The following LGSN variants were observed in gnomAD, a reference collection of about 807,000 sequenced individuals.
The protein encoded by LGSN is lengsin, lens protein with glutamine synthetase domain.
Under a neutral mutation model 19.5 loss-of-function variants are expected in LGSN, and 21 were observed. The observed-to-expected ratio is 1.07, with a 90% CI of 0.76 to 1.55. The LOEUF is 1.55. Ranked by LOEUF, LGSN falls within the 40% of genes most tolerant of loss-of-function variation. The pLI, the probability that LGSN is intolerant of heterozygous loss-of-function variation, is 0.00. For missense variants in LGSN, 673 were observed against 608.5 expected (o/e 1.11, Z -1.12); for synonymous variants, 257 against 215.6 (o/e 1.19, Z -1.68).
the LGSN span, among the ~76,000 whole-genome samples, chr6:63,450,355 C>T: frequency 1.3e-5 from 2 of 149,764 alleles, no homozygotes; most frequent in African/African-American, 4.9e-5. Context: ...AGTGAGACTC[C>T]ATCTCAAAAA....
At chr6:63,343,536 G>A in the LGSN span, among the ~76,000 whole-genome samples, 2 of 152,178 alleles carry the variant, frequency 1.3e-5, no homozygotes, top group Non-Finnish European at 2.9e-5. Flanking sequence ...CCTGGCAGAT[G>A]ACAATGAGTA....
the LGSN span, among the ~76,000 whole-genome samples, chr6:63,406,363 A>G: frequency 2.6e-5 from 4 of 152,062 alleles, no homozygotes; most frequent in African/African-American, 9.7e-5. Context: ...ACAACTCAGG[A>G]TTAAGAAACT....
At chr6:63,554,753 C>T in the LGSN span, among the ~76,000 whole-genome samples, 16 of 152,160 alleles carry the variant, frequency 1.1e-4, no homozygotes. Flanking sequence ...CACCACTACA[C>T]TCTAGCCTGG....
chr6:63,549,300 A>C, the LGSN span: 1 of 754,204 alleles, frequency 1.3e-6, no homozygotes, highest in Non-Finnish European at 2.4e-6. Context: ...CCACTTACAG[A>C]GGATGGCTCT....
At chr6:63,297,138 G>A (rs1331538224) in intron 1 of LGSN, among the ~76,000 whole-genome samples, 3 of 151,934 alleles carry the variant, frequency 2.0e-5, no homozygotes, top group South Asian at 4.1e-4. Context: ...TCAGAAGATC[G>A]AGACCAGCCT....
the LGSN span, among the ~76,000 whole-genome samples, chr6:63,569,307 GTGCAGTGCCA>G: frequency 6.6e-6 from 1 of 152,200 alleles, no homozygotes; most frequent in African/African-American, 2.4e-5. Context: ...CCAGGCTAGA[GTGCAGTGCCA>G]TGATCTCGGC....
the LGSN span, among the ~76,000 whole-genome samples, chr6:63,540,170 T>C: frequency 2.8e-4 from 43 of 152,272 alleles, no homozygotes; most frequent in African/African-American, 1.0e-3. Context: ...CTGGTGTGCA[T>C]GGTTGGAGAG....
chr6:63,280,722 T>G lies in LGSN; in HGVS notation c.829A>C (p.Ser277Arg). 6.2e-7 allele frequency: 1 copy of G among 1,614,136 alleles called. No homozygotes were observed. The highest frequency in any genetic ancestry group is 8.5e-7 in the Non-Finnish European group (1 of 1,180,034). Reference sequence around the variant, plus strand: ...AGGGTAAATGCATTATCAGCTGAGCTAATGCCAAATTCAGGCAGGAAAGAG... The same window carrying G: ...AGGGTAAATGCATTATCAGCTGAGCGAATGCCAAATTCAGGCAGGAAAGAG... Reference protein sequence around the residue: ...EISFLPEFGISSADNAFTLRT... With the variant: ...EISFLPEFGIRSADNAFTLRT... Residue 277 changes from serine (S) to arginine (R), a missense_variant, in exon 4 of 4, where the codon AGC becomes CGC. Physicochemically the swap from Ser to Arg is moderately radical, Grantham distance 110. Coordinates refer to ENST00000370657, the MANE Select transcript of LGSN (RefSeq NM_016571.3).
At chr6:63,309,335 A>G (rs1305188293) in intron 1 of LGSN, among the ~76,000 whole-genome samples, 1 of 152,054 alleles carries the variant, frequency 6.6e-6, no homozygotes, top group African/African-American at 2.4e-5. Flanking sequence ...CAGAGGCTGA[A>G]GCAGGAGAAT....
At chr6:63,474,101 C>T in the LGSN span, among the ~76,000 whole-genome samples, 1 of 152,092 alleles carries the variant, frequency 6.6e-6, no homozygotes, top group Non-Finnish European at 1.5e-5. Flanking sequence ...GAACTTGGCC[C>T]ATATTATGAC....
At chr6:63,281,314 TATATATATATATATATAATAA>T (rs1479717647) in intron 3 of LGSN, 94 bp from the exon 4 acceptor site, 3 of 165,806 alleles carry the variant, frequency 1.8e-5, no homozygotes, top group South Asian at 2.1e-4. Context: ...AATATATATA[TATATATATATATATATAATAA>T]ATATATATAT....
At chr6:63,285,399 G>T (rs1358445446) in intron 3 of LGSN, among the ~76,000 whole-genome samples, 188 bp downstream of exon 3, 1 of 152,202 alleles carries the variant, frequency 6.6e-6, no homozygotes, top group African/African-American at 2.4e-5. Context: ...TGAGAGCTGA[G>T]AGTACATGTT....
At chr6:63,323,559 T>TATACACAC (rs540446460), upstream of LGSN, among the ~76,000 whole-genome samples, 35 of 132,826 alleles carry the variant, frequency 2.6e-4, no homozygotes, top group Admixed American at 6.5e-4. Context: ...AAACCTCATA[T>TATACACAC]ACACACACAC....
At chr6:63,375,449 A>G in the LGSN span, among the ~76,000 whole-genome samples, 1 of 151,788 alleles carries the variant, frequency 6.6e-6, no homozygotes, top group Admixed American at 6.6e-5. Context: ...CTTGGCAAAT[A>G]TTACTACTAG....
intron 3 of LGSN, among the ~76,000 whole-genome samples, chr6:63,283,840 C>T (rs775768550): frequency 1.3e-5 from 2 of 152,026 alleles, no homozygotes; most frequent in Non-Finnish European, 2.9e-5. Flanking sequence ...AGCTGGATTA[C>T]AGGCCCCTGC....
chr6:63,538,614 A>C, the LGSN span, among the ~76,000 whole-genome samples: 1 of 152,222 alleles, frequency 6.6e-6, no homozygotes, highest in African/African-American at 2.4e-5. Context: ...AGCATGCAAA[A>C]AGAAAAAAAG....
At chr6:63,315,871 C>T (rs1193464638) in intron 1 of LGSN, among the ~76,000 whole-genome samples, 1 of 145,692 alleles carries the variant, frequency 6.9e-6, no homozygotes, top group Non-Finnish European at 1.5e-5. Context: ...AAATCCAGGT[C>T]TTAAAAAAAA....
the LGSN span, among the ~76,000 whole-genome samples, chr6:63,447,059 A>T: frequency 0.42 from 63,495 of 152,110 alleles, 16,194 homozygotes; most frequent in Non-Finnish European, 0.53. Context: ...CAAAAAAATT[A>T]AAAAAAAGTT....
chr6:63,310,807 T>G (rs1284802341), intron 1 of LGSN, among the ~76,000 whole-genome samples: 1 of 152,274 alleles, frequency 6.6e-6, no homozygotes, highest in East Asian at 1.9e-4. Flanking sequence ...GCTTATGATC[T>G]CCCATCAAAA....
Sources: gnomAD v4.1 joint callset for allele counts (sites outside exome capture counted in the v4.1 genomes callset) on GRCh38, gnomAD v4.1.1 for gene constraint, MANE v1.5 for transcripts, NCBI Gene and HGNC (gene_info 2026-07-23, HGNC 2026-07-21) for gene names.